The following LPA variants were observed in gnomAD, a reference collection of about 807,000 sequenced individuals.
The protein encoded by LPA is apolipoprotein(a).
Under a neutral mutation model 197.9 loss-of-function variants are expected in LPA, and 199 were observed. The observed-to-expected ratio is 1.01, with a 90% CI of 0.90 to 1.13. The LOEUF (loss-of-function observed/expected upper bound fraction) is 1.13, where lower values mean the gene tolerates loss of function less well. LPA is among the 50% of genes most tolerant of loss of function. The pLI, the probability that LPA is intolerant of heterozygous loss-of-function variation, is 0.00. For missense variants in LPA, 1,853 were observed against 1,785.8 expected (o/e 1.04, Z -0.68); for synonymous variants, 715 against 639.5 (o/e 1.12, Z -1.78).
chr6:160,584,255 CTCCTCT>C lies in LPA; in HGVS notation c.4289+785_4289+790del, dbSNP rs1275258441. Among the ~76,000 whole-genome samples the C allele has an allele frequency of 4.0e-3, 540 of 133,962 alleles. 7 individuals are homozygous for C. The Middle Eastern group carries it at 0.041, about 10-fold the overall frequency. 87.9% of individuals were successfully genotyped at this position (133,962 alleles called of 152,430 possible). Reference sequence around the variant, plus strand: ...CTTCTTCTTCCTCCTCCTCCTCCTCCTCCTCTTCCTCTTCCTCTTCTTCTTCTTCTT... The same window carrying C: ...CTTCTTCTTCCTCCTCCTCCTCCTCCTCCTCTTCCTCTTCTTCTTCTTCTT... On this transcript the variant is annotated intron_variant, in intron 26 of 38. Transcript: ENST00000316300.
Position 160,647,146 on chromosome 6 carries a change from C to T in LPA, c.210-751G>A, listed in dbSNP as rs140467583. On this transcript the variant is annotated intron_variant, in intron 2 of 38. Transcript: ENST00000316300. Reference sequence around the variant, plus strand: ...TGCTCTCAGTCTATCCTCTGCTGTCCACAGCCACTCCAGAACTGGGGGATG... The same window carrying T: ...TGCTCTCAGTCTATCCTCTGCTGTCTACAGCCACTCCAGAACTGGGGGATG... Among the ~76,000 whole-genome samples, 17 of 152,292 alleles carry T rather than the reference C, an allele frequency of 1.1e-4. No individual in the cohort carries two copies. The East Asian group carries it at 3.1e-3, about 28-fold the overall frequency.
At chr6:160,637,543 TTGTGTGTG>T (rs63614560) in intron 6 of LPA, among the ~76,000 whole-genome samples, 1 of 17,608 alleles carries the variant, frequency 5.7e-5, no homozygotes, top group African/African-American at 4.6e-4. Context: ...TGTTTTCAGT[TTGTGTGTG>T]TGTGTGTGTG....
chr6:160,659,317 T>C (rs1044183367), intron 1 of LPA, among the ~76,000 whole-genome samples: 23 of 152,094 alleles, frequency 1.5e-4, no homozygotes, highest in African/African-American at 5.3e-4. Context: ...GCACTCAGGA[T>C]CTTTTTTCCT....
chr6:160,568,850 T>A (rs1778510900), intron 28 of LPA, among the ~76,000 whole-genome samples: 1 of 151,606 alleles, frequency 6.6e-6, no homozygotes, highest in Non-Finnish European at 1.5e-5. Flanking sequence ...CTTCATGTCC[T>A]TTGTAGGGAC....
Position 160,599,660 on chromosome 6 carries a change from C to T in LPA, c.3128-1G>A. The T allele has an allele frequency of 6.2e-7, 1 of 1,613,858 alleles. No homozygotes were observed. The highest frequency in any genetic ancestry group is 8.5e-7 in the Non-Finnish European group (1 of 1,179,904). ...ACCCCGGGGGTTTCCTCAGTCAGTG[C>T]TGAAATTAAAACAGAAGACATCAAG... On this transcript the variant is annotated splice_acceptor_variant, in intron 19 of 38. Coordinates refer to ENST00000316300, the MANE Select transcript of LPA (RefSeq NM_005577.4). LOFTEE classifies it high-confidence loss of function.
chr6:160,579,312 T>A (rs181228698), intron 26 of LPA, among the ~76,000 whole-genome samples: 1 of 152,084 alleles, frequency 6.6e-6, no homozygotes, highest in Admixed American at 6.6e-5. Flanking sequence ...GTAGAGCAAG[T>A]GGGTTTGGGT....
chr6:160,553,986 TTACAGATTG>T (rs1461219713), intron 30 of LPA, among the ~76,000 whole-genome samples: 8 of 137,882 alleles, frequency 5.8e-5, no homozygotes, highest in Non-Finnish European at 9.9e-5. Context: ...TGTGTGTGTC[TTACAGATTG>T]TATGGCTTTC....
intron 19 of LPA, 77 bp from the exon 20 acceptor site, chr6:160,599,736 C>G (rs1017559356): frequency 3.3e-6 from 5 of 1,511,616 alleles, no homozygotes; most frequent in African/African-American, 1.4e-5. Flanking sequence ...ATGACATAAA[C>G]CAAAAAAGAG....
At chr6:160,572,048 G>T (rs546015836) in intron 28 of LPA, among the ~76,000 whole-genome samples, 7 of 152,232 alleles carry the variant, frequency 4.6e-5, no homozygotes, top group African/African-American at 1.2e-4. Context: ...TGCAAAGACC[G>T]TGGGAAAAGC....
chr6:160,595,221 C>T, intron 21 of LPA, 133 bp downstream of exon 21: 1 of 1,127,016 alleles, frequency 8.9e-7, no homozygotes, highest in South Asian at 1.3e-5. Flanking sequence ...AGTGTTCCTT[C>T]CCAGTGGCTG....
At chr6:160,578,331 C>T (rs1454971326) in intron 27 of LPA, among the ~76,000 whole-genome samples, 192 bp downstream of exon 27, 1 of 151,980 alleles carries the variant, frequency 6.6e-6, no homozygotes, top group East Asian at 1.9e-4. Context: ...CCGTGCCCTT[C>T]CTAAAGACAC....
intron 36 of LPA, 112 bp downstream of exon 36, chr6:160,539,931 A>C: frequency 6.9e-7 from 1 of 1,457,140 alleles, no homozygotes; most frequent in Non-Finnish European, 9.6e-7. Flanking sequence ...TGAGCCTTTC[A>C]TGTGATAGAC....
intron 4 of LPA, among the ~76,000 whole-genome samples, chr6:160,643,083 A>AGCTTGTGTGT (rs1554242208): frequency 7.6e-6 from 1 of 131,070 alleles, no homozygotes; most frequent in African/African-American, 2.8e-5. Context: ...GTGTGTTTTC[A>AGCTTGTGTGT]GTGTGTGTGT....
In LPA at chr6:160,556,195, A is replaced by G. The variant is rs111935319; in HGVS notation, c.4814-11T>C. The stretch of plus-strand genomic sequence containing the variant: ...TTTGCTCAGTTGGTGCTGAAAATAG[A>G]CAAAATCAAGCTGAGTAACTACTAG... On this transcript the variant is annotated splice_polypyrimidine_tract_variant and intron_variant, in intron 29 of 38. Transcript: ENST00000316300. The G allele has an allele frequency of 6.2e-7, 1 of 1,613,622 alleles. No individual in the cohort carries two copies. Among genetic ancestry groups the G allele is most frequent in the East Asian group, 2.2e-5 (1 of 44,838 alleles).
At chr6:160,595,874 T>A (rs757517946) in intron 20 of LPA, among the ~76,000 whole-genome samples, 1 of 152,362 alleles carries the variant, frequency 6.6e-6, no homozygotes, top group South Asian at 2.1e-4. Flanking sequence ...TTGTACAATG[T>A]TGTACAATGT....
intron 30 of LPA, among the ~76,000 whole-genome samples, chr6:160,552,178 T>G (rs1458528750): frequency 6.6e-6 from 1 of 152,192 alleles, no homozygotes; most frequent in Non-Finnish European, 1.5e-5. Context: ...TCCCAAAATG[T>G]TGGGGTAACA....
At chr6:160,580,364 T>C (rs1778770272) in intron 26 of LPA, among the ~76,000 whole-genome samples, 2 of 152,254 alleles carry the variant, frequency 1.3e-5, no homozygotes, top group African/African-American at 4.8e-5. Context: ...ATAAAGCTGC[T>C]ATGAATATTT....
At chr6:160,603,923 C>G (rs1263379377) in intron 18 of LPA, among the ~76,000 whole-genome samples, 1 of 152,106 alleles carries the variant, frequency 6.6e-6, no homozygotes, top group Non-Finnish European at 1.5e-5. Flanking sequence ...TCAGTGAGGT[C>G]TCTCCTCCAG....
chr6:160,589,798 T>C (rs1778991154), intron 23 of LPA, 86 bp from the exon 24 acceptor site: 1 of 1,492,868 alleles, frequency 6.7e-7, no homozygotes, highest in South Asian at 1.1e-5. Context: ...AAACAGGACA[T>C]CATCTCTGAA....
Sources: allele counts gnomAD v4.1 joint callset (sites outside exome capture counted in the v4.1 genomes callset), GRCh38; gene constraint gnomAD v4.1.1; transcripts MANE v1.5; gene names NCBI Gene and HGNC (gene_info 2026-07-23, HGNC 2026-07-21).